Variants in STK39 observed in about 807,000 individuals in gnomAD.
The protein encoded by STK39 is serine/threonine kinase 39.
In STK39, 20 loss-of-function variants were observed where a neutral mutation model predicts 77.8. The ratio of observed to expected loss-of-function variants is 0.26; its 90% confidence interval spans 0.18 to 0.37. The LOEUF (loss-of-function observed/expected upper bound fraction) is 0.37, where lower values mean the gene tolerates loss of function less well. STK39 is among the 10% of genes least tolerant of loss of function. The probability of loss-of-function intolerance (pLI) is 1.00; values close to 1 mark genes in which losing one functional copy is unlikely to be tolerated. For synonymous variants in STK39, 246 were observed against 234.1 expected (o/e 1.05, Z -0.47); for missense variants, 479 against 656.5 (o/e 0.73, Z 2.95).
chr2:168,076,842 C>T (rs1048558947), intron 10 of STK39, among the ~76,000 whole-genome samples: 1 of 151,950 alleles, frequency 6.6e-6, no homozygotes, highest in Non-Finnish European at 1.5e-5. Flanking sequence ...TTTCTAATGA[C>T]GGTGATTTTA....
At chr2:168,116,500 A>G (rs1023563119) in intron 10 of STK39, among the ~76,000 whole-genome samples, 1 of 152,188 alleles carries the variant, frequency 6.6e-6, no homozygotes, top group African/African-American at 2.4e-5. Context: ...AAAAAAATAT[A>G]TTTTTAAAAA....
At chr2:168,149,396 C>T (rs1688223676) in intron 5 of STK39, among the ~76,000 whole-genome samples, 1 of 152,220 alleles carries the variant, frequency 6.6e-6, no homozygotes, top group Admixed American at 6.5e-5. Context: ...TCCCCACTGG[C>T]AGTGCAGAAG....
At chr2:168,098,838 G>A (rs1421113175) in intron 10 of STK39, among the ~76,000 whole-genome samples, 3 of 152,180 alleles carry the variant, frequency 2.0e-5, no homozygotes, top group Non-Finnish European at 2.9e-5. Context: ...CTACTGATGG[G>A]TAGAACCTAT....
At position 167,955,509 on chromosome 2, in the gene STK39, A is replaced by T; in HGVS notation, c.1625T>A (p.Leu542Ter). The change falls in exon 18 of 18, where the codon TTG (leucine) becomes TAG (stop). Residue 542 changes from leucine to a stop codon, truncating the protein, a stop_gained. Coordinates refer to ENST00000355999, the MANE Select transcript of STK39 (RefSeq NM_013233.3). LOFTEE classifies it high-confidence loss of function. ...AAGGGACATACATCAGCTGACACTC[A>T]ACTGAGCAAACCCAATCAGCTTCAC... Reference protein sequence around the residue: ...DEVKLIGFAQLSVS With the variant: ...DEVKLIGFAQ 2 of 1,613,890 alleles carry T rather than the reference A, an allele frequency of 1.2e-6. No individual in the cohort carries two copies. Among genetic ancestry groups the T allele is most frequent in the Non-Finnish European group, 1.7e-6 (2 of 1,179,892 alleles).
At chr2:168,117,999 T>C (rs1188253753) in intron 10 of STK39, among the ~76,000 whole-genome samples, 1 of 152,120 alleles carries the variant, frequency 6.6e-6, no homozygotes, top group East Asian at 1.9e-4. Flanking sequence ...TCCGCAACTC[T>C]AGCCAAATTA....
chr2:168,226,945 T>C (rs903740277), intron 1 of STK39, among the ~76,000 whole-genome samples: 1 of 152,220 alleles, frequency 6.6e-6, no homozygotes, highest in African/African-American at 2.4e-5. Context: ...ACTCATAGAA[T>C]AGCAATGGAT....
At chr2:168,010,619 C>G (rs16854528) in intron 16 of STK39, among the ~76,000 whole-genome samples, 3,107 of 152,282 alleles carry the variant, frequency 0.02, 128 homozygotes, top group African/African-American at 0.072. Flanking sequence ...ATGTCTGTGT[C>G]CCCTCATGTA....
intron 1 of STK39, among the ~76,000 whole-genome samples, chr2:168,214,916 T>C (rs987147014): frequency 2.2e-4 from 34 of 152,190 alleles, no homozygotes; most frequent in African/African-American, 5.1e-4. Context: ...GCAACTCTAT[T>C]CTTCATTTTG....
intron 1 of STK39, among the ~76,000 whole-genome samples, chr2:168,197,519 C>T (rs983718591): frequency 2.0e-5 from 3 of 152,054 alleles, no homozygotes; most frequent in Non-Finnish European, 2.9e-5. Context: ...CAATAAAAAC[C>T]GAGAAGGGGA....
intron 16 of STK39, among the ~76,000 whole-genome samples, chr2:167,992,885 T>A (rs948643644): frequency 1.3e-5 from 2 of 152,188 alleles, no homozygotes; most frequent in Non-Finnish European, 2.9e-5. Context: ...ATAGCATACA[T>A]AATCCAAAAT....
intron 10 of STK39, among the ~76,000 whole-genome samples, chr2:168,107,912 T>A (rs1039007140): frequency 6.6e-5 from 10 of 152,214 alleles, no homozygotes; most frequent in Non-Finnish European, 1.3e-4. Flanking sequence ...TTCGCATCAC[T>A]AATGGCATTT....
chr2:168,134,486 T>C (rs923549222), intron 8 of STK39, among the ~76,000 whole-genome samples: 4 of 149,226 alleles, frequency 2.7e-5, no homozygotes, highest in South Asian at 2.1e-4. Flanking sequence ...TAAGGATTTA[T>C]CAATGCAACA....
chr2:168,088,498 G>A (rs951357754), intron 10 of STK39, among the ~76,000 whole-genome samples: 3 of 152,190 alleles, frequency 2.0e-5, no homozygotes, highest in Non-Finnish European at 4.4e-5. Flanking sequence ...CTGTCCCCCA[G>A]CAGCAGAACT....
chr2:167,958,649 A>C (rs572939726), intron 17 of STK39, among the ~76,000 whole-genome samples: 60 of 152,302 alleles, frequency 3.9e-4, no homozygotes, highest in African/African-American at 1.4e-3. Flanking sequence ...AGCCTCATAC[A>C]AATATATATG....
chr2:168,099,175 C>A (rs1433438992), intron 10 of STK39, among the ~76,000 whole-genome samples: 1 of 152,224 alleles, frequency 6.6e-6, no homozygotes, highest in East Asian at 1.9e-4. Flanking sequence ...CCAGCTCAGC[C>A]CAGCCAAGCC....
At chr2:168,032,773 A>C (rs1333339692) in intron 14 of STK39, among the ~76,000 whole-genome samples, 4 of 152,240 alleles carry the variant, frequency 2.6e-5, no homozygotes, top group Non-Finnish European at 4.4e-5. Context: ...TGGAGAGAGG[A>C]AAGAAGCTCT....
intron 14 of STK39, among the ~76,000 whole-genome samples, chr2:168,054,021 C>G (rs145668613): frequency 1.3e-5 from 2 of 152,168 alleles, no homozygotes; most frequent in Non-Finnish European, 2.9e-5. Flanking sequence ...ACGATAAATG[C>G]CAGTTTCTAT....
chr2:168,105,986 C>T (rs1033835934), intron 10 of STK39, among the ~76,000 whole-genome samples: 2 of 152,186 alleles, frequency 1.3e-5, no homozygotes, highest in Non-Finnish European at 2.9e-5. Context: ...CATTTTGAAA[C>T]GAAGCCTTGC....
rs565950939 is a variant in STK39 at position 168,237,999 on chromosome 2, A to T, written c.208+9229T>A. On this transcript the variant is annotated intron_variant, in intron 1 of 17. Coordinates refer to ENST00000355999, the MANE Select transcript of STK39 (RefSeq NM_013233.3). ...ACCAGATGATTCAAATTAAAATCTA[A>T]GCTACACAGGATAGGTCAATAGGCA... is the stretch of plus-strand genomic sequence containing the variant. 7.2e-5 allele frequency among the ~76,000 whole-genome samples: 11 copies of T among 152,326 alleles called. No individual in the cohort carries two copies. In the South Asian group the frequency reaches 1.9e-3, roughly 26 times the overall value.
Sources: gnomAD v4.1 joint callset for allele counts (sites outside exome capture counted in the v4.1 genomes callset) on GRCh38, gnomAD v4.1.1 for gene constraint, MANE v1.5 for transcripts, NCBI Gene and HGNC (gene_info 2026-07-23, HGNC 2026-07-21) for gene names.